The following ABCA9 variants were observed in gnomAD, a reference collection of about 807,000 sequenced individuals.
The protein encoded by ABCA9 is ATP-binding cassette sub-family A member 9.
Under a neutral mutation model 205.3 loss-of-function variants are expected in ABCA9, and 183 were observed. That is an observed-to-expected ratio of 0.89 (90% confidence interval 0.79 to 1.01). The LOEUF is 1.01. Among genes scored for constraint, ABCA9 ranks in the 50% least tolerant of loss-of-function variants. The pLI is 0.00. For synonymous variants in ABCA9, 651 were observed against 683.3 expected (o/e 0.95, Z 0.74); for missense variants, 1,805 against 1,912.4 (o/e 0.94, Z 1.05).
chr17:69,067,719 TA>T, the ABCA9 span, among the ~76,000 whole-genome samples: 1 of 152,150 alleles, frequency 6.6e-6, no homozygotes, highest in African/African-American at 2.4e-5. Flanking sequence ...ATTCTTACCC[TA>T]TATAAGACTA....
At chr17:69,008,345 T>C in intron 23 of ABCA9, 110 bp from the exon 24 acceptor site, 1 of 967,102 alleles carries the variant, frequency 1.0e-6, no homozygotes, top group Middle Eastern at 2.3e-4. Flanking sequence ...TTTAGAAATA[T>C]TATCCTGATT....
At chr17:69,030,068 G>A (rs1397631386) in intron 10 of ABCA9, among the ~76,000 whole-genome samples, 1 of 152,184 alleles carries the variant, frequency 6.6e-6, no homozygotes, top group Non-Finnish European at 1.5e-5. Flanking sequence ...AAGATTTTAA[G>A]TGAGTTCAAG....
upstream of ABCA9, among the ~76,000 whole-genome samples, chr17:69,065,238 C>A (rs928321657): frequency 1.3e-5 from 2 of 152,110 alleles, no homozygotes; most frequent in African/African-American, 4.8e-5. Flanking sequence ...TTAACTAATA[C>A]CTTCATCAAA....
At position 68,975,028 on chromosome 17, in the gene ABCA9, AGG is replaced by A. The variant is rs2068861778; in HGVS notation, c.*885_*886del. 1 of 151,190 alleles carries A rather than the reference AGG, an allele frequency of 6.6e-6. No individual in the cohort carries two copies. Among genetic ancestry groups the A allele is most frequent in the South Asian group, 2.1e-4 (1 of 4,772 alleles). The allele number at this position is 151,190 out of a possible 1,614,324, so 9.4% of individuals were successfully genotyped here. A position where few individuals can be genotyped will look rare whatever the true frequency, so the allele number is the denominator to read the frequency against. ...AGCCCCCATCCCCCCAACAGGCCCC[AGG>A]GTGTGGTGTTCCCCTCCCTGTGTCC... On this transcript the variant is annotated 3_prime_UTR_variant, in exon 39 of 39. Transcript: ENST00000340001.
At chr17:69,035,942 C>G in intron 6 of ABCA9, 141 bp from the exon 7 acceptor site, 1 of 1,003,682 alleles carries the variant, frequency 1.0e-6, no homozygotes, top group Non-Finnish European at 1.4e-6. Flanking sequence ...TTATCTCCTA[C>G]CCTCAGGATC....
intron 5 of ABCA9, 94 bp from the exon 6 acceptor site, chr17:69,043,809 C>T (rs1176406592): frequency 9.3e-7 from 1 of 1,075,348 alleles, no homozygotes; most frequent in Non-Finnish European, 1.3e-6. Flanking sequence ...GTACATTCTA[C>T]ATTTATGTAT....
At chr17:69,007,317 C>T (rs2070181041) in intron 25 of ABCA9, among the ~76,000 whole-genome samples, 1 of 152,118 alleles carries the variant, frequency 6.6e-6, no homozygotes, top group Admixed American at 6.5e-5. Context: ...AGGAGAATTG[C>T]TTGAACATGG....
chr17:69,046,802 A>G (rs1426362255), intron 3 of ABCA9, among the ~76,000 whole-genome samples: 1 of 149,090 alleles, frequency 6.7e-6, no homozygotes, highest in Non-Finnish European at 1.5e-5. Flanking sequence ...TGAGGATGCA[A>G]CCCAAGTCTA....
At chr17:68,977,133 G>A (rs2068911507) in intron 37 of ABCA9, among the ~76,000 whole-genome samples, 1 of 152,152 alleles carries the variant, frequency 6.6e-6, no homozygotes, top group Non-Finnish European at 1.5e-5. Context: ...CAAAGGGGAG[G>A]TATCTTGAGA....
chr17:68,989,163 A>G, intron 30 of ABCA9, 45 bp from the exon 31 acceptor site: 1 of 1,303,416 alleles, frequency 7.7e-7, no homozygotes, highest in South Asian at 1.2e-5. Flanking sequence ...TAATTGCAAC[A>G]AAAATAAAAG....
At chr17:69,078,807 A>T in the ABCA9 span, 1 of 474,700 alleles carries the variant, frequency 2.1e-6, no homozygotes, top group Non-Finnish European at 3.6e-6. Context: ...TATCACCCCT[A>T]TGTTTGAGAG....
Position 68,982,639 on chromosome 17 carries a change from A to ACC in ABCA9, c.4642_4643insGG (p.Phe1548TrpfsTer5). 6.2e-7 allele frequency: 1 copy of ACC among 1,613,716 alleles called. No homozygotes were observed. Among genetic ancestry groups the ACC allele is most frequent in the Non-Finnish European group, 8.5e-7 (1 of 1,179,646 alleles). ...CAACTTATAGACCATCAGGGAGGAG[A>ACC]ACCTGCGAAGAGAAGACAGTGAGGC... On this transcript the variant is annotated frameshift_variant and splice_region_variant, in exon 37 of 39. Transcript: ENST00000340001. LOFTEE classifies it high-confidence loss of function.
chr17:69,012,665 A>G lies in ABCA9; in HGVS notation c.3040-582T>C, dbSNP rs112308345. On this transcript the variant is annotated intron_variant, in intron 22 of 38. Transcript: ENST00000340001. Reference sequence around the variant, plus strand: ...ATGAGATGTTTTGACACAGGCATGCAATGTGAAGTAAGCACATCATGGAGA... The same window carrying G: ...ATGAGATGTTTTGACACAGGCATGCGATGTGAAGTAAGCACATCATGGAGA... Among the ~76,000 whole-genome samples the G allele has an allele frequency of 9.8e-3, 1,499 of 152,272 alleles. 22 individuals are homozygous for G. Among genetic ancestry groups the G allele is most frequent in the African/African-American group, 0.032 (1,311 of 41,548 alleles).
chr17:69,048,040 GGA>G lies in ABCA9; in HGVS notation c.304+1241_304+1242del, dbSNP rs2071777793. Among the ~76,000 whole-genome samples the G allele has an allele frequency of 2.6e-5, 4 of 152,248 alleles. 1 individual carries two copies. The South Asian group carries it at 8.3e-4, about 32-fold the overall frequency. On this transcript the variant is annotated intron_variant, in intron 3 of 38. Coordinates refer to ENST00000340001, the MANE Select transcript of ABCA9 (RefSeq NM_080283.4). The stretch of plus-strand genomic sequence containing the variant: ...AAGCAGGCACCTTCACAATGTGGCA[GGA>G]GAGACAGGAAGCAAAGGGGGGAAAA...
chr17:68,981,290 T>C (rs929871991), intron 37 of ABCA9, among the ~76,000 whole-genome samples: 5 of 151,610 alleles, frequency 3.3e-5, no homozygotes, highest in African/African-American at 1.2e-4. Flanking sequence ...AAATCTAAAA[T>C]ATTCTCAGCA....
chr17:68,989,083 C>G lies in ABCA9; in HGVS notation c.3991G>C (p.Gly1331Arg). The G allele has an allele frequency of 6.2e-7, 1 of 1,612,962 alleles. No individual in the cohort carries two copies. The highest frequency in any genetic ancestry group is 8.5e-7 in the Non-Finnish European group (1 of 1,179,228). Residue 1331 changes from glycine (G) to arginine (R), a missense_variant, in exon 31 of 39, where the codon GGT (glycine) becomes CGT (arginine). Physicochemically the swap from Gly to Arg is moderately radical, Grantham distance 125. Coordinates refer to ENST00000340001, the MANE Select transcript of ABCA9 (RefSeq NM_080283.4). ...ATCATCTTAATAGTTGTACTTTTACCAGCTCCATTGTGTCCTAACAGTCCT... is the reference window on the plus strand; with the variant it reads ...ATCATCTTAATAGTTGTACTTTTACGAGCTCCATTGTGTCCTAACAGTCCT... ...VIGLLGHNGA[G>R]KSTTIKMITG...
rs745369146 is a variant in ABCA9, at chr17:68,984,170, A to T, written c.4385T>A (p.Val1462Glu). The change falls in exon 35 of 39, where the codon GTG becomes GAG. Residue 1462 changes from valine (V) to glutamate (E), a missense_variant. By Grantham distance (121) the Val-to-Glu change is moderately radical. Coordinates refer to ENST00000340001, the MANE Select transcript of ABCA9 (RefSeq NM_080283.4). ...CGTGTTTCTAAAGGTGGCCCGAATCACCTGCCTAAAGTTAAGTCAAGAGAA... is the reference window on the plus strand; with the variant it reads ...CGTGTTTCTAAAGGTGGCCCGAATCTCCTGCCTAAAGTTAAGTCAAGAGAA... ...DPEGQQQMWQ[V>E]IRATFRNTER... 2.5e-6 allele frequency: 4 copies of T among 1,613,952 alleles called. No individual in the cohort carries two copies. Among genetic ancestry groups the T allele is most frequent in the Non-Finnish European group, 2.5e-6 (3 of 1,179,976 alleles).
chr17:69,031,996 G>A (rs562063256), intron 10 of ABCA9, 112 bp downstream of exon 10: 29 of 932,074 alleles, frequency 3.1e-5, no homozygotes, highest in South Asian at 8.3e-5. Flanking sequence ...CAGGCTGGCT[G>A]TAGGTGGGTA....
At chr17:68,976,554 G>A in intron 37 of ABCA9, among the ~76,000 whole-genome samples, 1 of 152,130 alleles carries the variant, frequency 6.6e-6, no homozygotes, top group East Asian at 1.9e-4. Context: ...GTCTTCTGGT[G>A]GACATCACCA....
Sources: gnomAD v4.1 joint callset for allele counts (sites outside exome capture counted in the v4.1 genomes callset) on GRCh38, gnomAD v4.1.1 for gene constraint, MANE v1.5 for transcripts, NCBI Gene and HGNC (gene_info 2026-07-23, HGNC 2026-07-21) for gene names.